The following NPRL3 variants were observed in gnomAD, a reference collection of about 807,000 sequenced individuals.
NPRL3 encodes GATOR1 complex protein NPRL3.
Under a neutral mutation model 57.2 loss-of-function variants are expected in NPRL3, and 23 were observed. The ratio of observed to expected loss-of-function variants is 0.40; its 90% CI spans 0.29 to 0.57. The LOEUF (loss-of-function observed/expected upper bound fraction) is 0.57. Among genes scored for constraint, NPRL3 ranks in the 20% least tolerant of loss-of-function variants. NPRL3 has a pLI of 0.42. For missense variants in NPRL3, 691 were observed against 767.1 expected (o/e 0.90, Z 1.17); for synonymous variants, 333 against 321.1 (o/e 1.04, Z -0.39).
At position 85,595 on chromosome 16, in the gene NPRL3, G is replaced by T. The variant is rs367648016; in HGVS notation, c.*1110C>A. On this transcript the variant is annotated 3_prime_UTR_variant, in exon 14 of 14. Transcript: ENST00000611875. ...CTTTGACCAGAGGGACCTGGCACAG[G>T]ATGAAGCTGTATGGCTGGAGCGTGG... 6 of 1,612,060 alleles carry T rather than the reference G, an allele frequency of 3.7e-6. No individual in the cohort carries two copies. The African/African-American group carries it at 8.0e-5, about 22-fold the overall frequency.
intron 9 of NPRL3, among the ~76,000 whole-genome samples, chr16:95,371 ACACACACACACAC>A (rs1898960522): frequency 6.8e-6 from 1 of 147,860 alleles, no homozygotes; most frequent in South Asian, 2.1e-4. Context: ...ACACACACAC[ACACACACACACAC>A]AATAAAATGT....
chr16:136,618 G>A (rs1013460963), intron 2 of NPRL3, among the ~76,000 whole-genome samples: 1 of 151,616 alleles, frequency 6.6e-6, no homozygotes, highest in Non-Finnish European at 1.5e-5. Flanking sequence ...CTTGACAGGG[G>A]GTCGGAGGTT....
At chr16:122,036 A>G (rs1256764757) in intron 3 of NPRL3, among the ~76,000 whole-genome samples, 2 of 151,542 alleles carry the variant, frequency 1.3e-5, no homozygotes, top group Non-Finnish European at 2.9e-5. Flanking sequence ...CGGCCTCCCA[A>G]AGTGCTGGGA....
At position 100,486 on chromosome 16, in the gene NPRL3, C is replaced by T. The variant is rs201341279; in HGVS notation, c.653G>A (p.Arg218Gln). 139 of 1,591,794 alleles carry T rather than the reference C, an allele frequency of 8.7e-5. No individual in the cohort carries two copies. The highest frequency in any genetic ancestry group is 8.4e-4 in the Middle Eastern group (5 of 5,976). Residue 218 changes from arginine (R) to glutamine (Q), a missense_variant, in exon 8 of 14, where the codon CGG becomes CAG. Arg to Gln is a conservative substitution (Grantham distance 43, BLOSUM62 1). Coordinates refer to ENST00000611875, the MANE Select transcript of NPRL3 (RefSeq NM_001077350.3). ...YDSLCTSGVV[R>Q]LHINSWLEVS... Reference sequence around the variant, plus strand: ...CTCCAGCCAGCTGTTGATGTGAAGCCGAACTACGCCCGACGTGCACAGGCT... The same window carrying T: ...CTCCAGCCAGCTGTTGATGTGAAGCTGAACTACGCCCGACGTGCACAGGCT...
intron 6 of NPRL3, among the ~76,000 whole-genome samples, chr16:111,611 G>A (rs1040160605): frequency 6.6e-6 from 1 of 151,694 alleles, no homozygotes; most frequent in Non-Finnish European, 1.5e-5. Context: ...GACCATGCCC[G>A]GCTAATTTTT....
At chr16:89,685 T>A in intron 12 of NPRL3, 28 bp downstream of exon 12, 1 of 1,513,130 alleles carries the variant, frequency 6.6e-7, no homozygotes, top group Non-Finnish European at 8.8e-7. Context: ...CTCCCCTGAC[T>A]ACCACAGCGG....
chr16:97,737 AG>A (rs11310899), intron 9 of NPRL3, among the ~76,000 whole-genome samples: 19,971 of 151,946 alleles, frequency 0.13, 4,335 homozygotes, highest in African/African-American at 0.45. Context: ...TGCACATGGG[AG>A]GGCCCCGCAT....
chr16:95,854 G>C (rs1394226882), intron 9 of NPRL3, among the ~76,000 whole-genome samples: 1 of 152,228 alleles, frequency 6.6e-6, no homozygotes, highest in Non-Finnish European at 1.5e-5. Context: ...ACAGGCATGA[G>C]CCACTGCACC....
intron 3 of NPRL3, among the ~76,000 whole-genome samples, chr16:119,757 G>T (rs899313261): frequency 6.6e-6 from 1 of 152,242 alleles, no homozygotes; most frequent in Non-Finnish European, 1.5e-5. Flanking sequence ...CGTGCAGAGC[G>T]CTGACTTCCT....
chr16:100,449 G>A lies in NPRL3; in HGVS notation c.690C>T (p.Cys230=). The change falls in exon 8 of 14, where the codon TGC becomes TGT. Residue 230 remains cysteine, a synonymous_variant. Transcript: ENST00000611875. The part of the protein sequence containing the change: ...HINSWLEVSF[C]LPHKIHYAAS... The stretch of plus-strand genomic sequence containing the variant: ...CCGCATAGTGGATCTTGTGGGGCAG[G>A]CAGAAGCTCACCTCCAGCCAGCTGT... 1 of 1,605,974 alleles carries A rather than the reference G, an allele frequency of 6.2e-7. No homozygotes were observed. The highest frequency in any genetic ancestry group is 8.5e-7 in the Non-Finnish European group (1 of 1,177,066).
intron 9 of NPRL3, among the ~76,000 whole-genome samples, chr16:96,658 A>AAT (rs1175824223): frequency 6.6e-6 from 1 of 151,176 alleles, no homozygotes; most frequent in Non-Finnish European, 1.5e-5. Context: ...CAAAAAAAAA[A>AAT]AAAAAAAAAA....
In NPRL3 at chr16:86,547, G is replaced by A. The variant is rs1014780641; in HGVS notation, c.*158C>T. Reference sequence around the variant, plus strand: ...GAACCACCAGGGGCAAGGACAGCGGGGCTCTGCAGGCTTCACTGGGCCACG... The same window carrying A: ...GAACCACCAGGGGCAAGGACAGCGGAGCTCTGCAGGCTTCACTGGGCCACG... On this transcript the variant is annotated 3_prime_UTR_variant, in exon 14 of 14. Transcript: ENST00000611875. 2 of 681,286 alleles carry A rather than the reference G, an allele frequency of 2.9e-6. No individual in the cohort carries two copies. The highest frequency in any genetic ancestry group is 4.9e-6 in the Non-Finnish European group (2 of 412,158). 42.2% of individuals were successfully genotyped at this position (681,286 alleles called of 1,614,324 possible). A position where few individuals can be genotyped will look rare whatever the true frequency, so the allele number is the denominator to read the frequency against.
At position 98,202 on chromosome 16, in the gene NPRL3, T is replaced by C; in HGVS notation, c.867A>G (p.Thr289=). Residue 289 remains threonine, a synonymous_variant, in exon 9 of 14, where the codon ACA becomes ACG. Coordinates refer to ENST00000611875, the MANE Select transcript of NPRL3 (RefSeq NM_001077350.3). ...GCTGCTGCAGGTTCTTCACAGCAGA[T>C]GTGGTCTTGATCACCCGCACTAGGG... The part of the protein sequence containing the change: ...SPALVRVIKT[T]SAVKNLQQLA... 1 of 1,613,990 alleles carries C rather than the reference T, an allele frequency of 6.2e-7. No individual in the cohort carries two copies. The highest frequency in any genetic ancestry group is 8.5e-7 in the Non-Finnish European group (1 of 1,179,880).
At chr16:137,156 G>A (rs1901134214) in intron 2 of NPRL3, among the ~76,000 whole-genome samples, 2 of 152,088 alleles carry the variant, frequency 1.3e-5, no homozygotes, top group African/African-American at 2.4e-5. Context: ...GGAGGTGGAG[G>A]CTGCAGTGAG....
intron 11 of NPRL3, 75 bp from the exon 12 acceptor site, chr16:89,977 C>G (rs1898695474): frequency 7.4e-7 from 1 of 1,358,144 alleles, no homozygotes. Flanking sequence ...GAGCCATGGC[C>G]CTAGACATGG....
rs770800767 is a variant in NPRL3, at chr16:98,175, T to C, written c.894A>G (p.Leu298=). ...TTSAVKNLQQ[L]AQDADLALLQ... The stretch of plus-strand genomic sequence containing the variant: ...GCAAGGCCAGGTCCGCATCTTGGGC[T>C]AGCTGCTGCAGGTTCTTCACAGCAG... The change falls in exon 9 of 14, where the codon CTA becomes CTG. Residue 298 remains leucine (L), a synonymous_variant. Coordinates refer to ENST00000611875, the MANE Select transcript of NPRL3 (RefSeq NM_001077350.3). The C allele has an allele frequency of 6.2e-7, 1 of 1,613,932 alleles. No individual in the cohort carries two copies. Among genetic ancestry groups the C allele is most frequent in the South Asian group, 1.1e-5 (1 of 91,090 alleles).
At position 121,889 on chromosome 16, in the gene NPRL3, C is replaced by T. The variant is rs1279308604; in HGVS notation, c.189-2634G>A. 2.0e-5 allele frequency among the ~76,000 whole-genome samples: 3 copies of T among 151,778 alleles called. No individual in the cohort carries two copies. In the East Asian group the frequency reaches 5.9e-4, roughly 30 times the overall value. ...TCCCGAGTTCAAGCAATTCTCCTGC[C>T]TCAGCCTCCCGAGTAGCTGCGATTA... On this transcript the variant is annotated intron_variant, in intron 3 of 13. Transcript: ENST00000611875.
chr16:89,608 G>A, intron 12 of NPRL3, 105 bp downstream of exon 12: 5 of 1,089,064 alleles, frequency 4.6e-6, no homozygotes, highest in Non-Finnish European at 5.0e-6. Flanking sequence ...GTGTGCAGCT[G>A]TGTGGAGGCC....
chr16:128,879 G>A (rs1486593199), intron 3 of NPRL3, among the ~76,000 whole-genome samples: 1 of 152,172 alleles, frequency 6.6e-6, no homozygotes, highest in Non-Finnish European at 1.5e-5. Context: ...GCGGGCCTAC[G>A]TGACAAAATA....
Sources: gnomAD v4.1 joint callset for allele counts (sites outside exome capture counted in the v4.1 genomes callset) on GRCh38, gnomAD v4.1.1 for gene constraint, MANE v1.5 for transcripts, NCBI Gene and HGNC (gene_info 2026-07-23, HGNC 2026-07-21) for gene names.